DLX3: variants seen among roughly 807,000 people sequenced by gnomAD.
DLX3 encodes the protein homeobox protein DLX-3.
Under a neutral mutation model 28.0 loss-of-function variants are expected in DLX3, and 9 were observed. That is an observed-to-expected ratio of 0.32 (90% confidence interval 0.19 to 0.56). The LOEUF is 0.56. Ranked by LOEUF, DLX3 falls within the 20% of genes least tolerant of loss-of-function variation. DLX3 has a pLI of 0.91. For synonymous variants in DLX3, 154 were observed against 167.9 expected (o/e 0.92, Z 0.64); for missense variants, 313 against 378.2 (o/e 0.83, Z 1.43).
rs1306752846 is a variant in DLX3 at position 49,990,512 on chromosome 17, C to T, written c.*1005G>A. On this transcript the variant is annotated 3_prime_UTR_variant, in exon 3 of 3. Coordinates refer to ENST00000434704, the MANE Select transcript of DLX3 (RefSeq NM_005220.3). ...CTCCCCTCCTCTCCCATACACCTCA[C>T]CCGACATTCTCCAGCTCGGAGCAAT... 2 of 152,540 alleles carry T rather than the reference C, an allele frequency of 1.3e-5. No individual in the cohort carries two copies. The highest frequency in any genetic ancestry group is 4.8e-5 in the African/African-American group (2 of 41,386). 9.4% of individuals were successfully genotyped at this position (152,540 alleles called of 1,614,324 possible).
At chr17:49,993,013 G>A (rs1180669725) in intron 2 of DLX3, among the ~76,000 whole-genome samples, 1 of 152,094 alleles carries the variant, frequency 6.6e-6, no homozygotes, top group Admixed American at 6.5e-5. Context: ...CTCCTTACAT[G>A]AGCATCCTCC....
rs1421270643 is a variant in DLX3, at chr17:49,995,055, G to C, written c.-57C>G. On this transcript the variant is annotated 5_prime_UTR_variant, in exon 1 of 3. Transcript: ENST00000434704. ...CCTCCGCAGAGGACAGGAACGGACC[G>C]GAGTGCGAGAGAGGCGGAAGAGACG... 1.3e-6 allele frequency: 2 copies of C among 1,583,650 alleles called. No homozygotes were observed. The highest frequency in any genetic ancestry group is 1.7e-6 in the Non-Finnish European group (2 of 1,168,846).
At chr17:49,993,299 A>T (rs1262784687) in intron 2 of DLX3, 101 bp downstream of exon 2, 2 of 1,275,184 alleles carry the variant, frequency 1.6e-6, no homozygotes, top group East Asian at 5.1e-5. Context: ...CAAGAGTTCC[A>T]GGAGCCCGCA....
At position 49,991,619 on chromosome 17, in the gene DLX3, T is replaced by C. The variant is rs1413206912; in HGVS notation, c.762A>G (p.Ala254=). The C allele has an allele frequency of 4.3e-6, 7 of 1,613,536 alleles. No homozygotes were observed. The highest frequency in any genetic ancestry group is 1.6e-4 in the Middle Eastern group (1 of 6,062). ...GTAAGTGGGGTCCACTCAGGTTCTGTGCGTGATACCAGGAGTTGGTGGGGT... is the reference window on the plus strand; with the variant it reads ...GTAAGTGGGGTCCACTCAGGTTCTGCGCGTGATACCAGGAGTTGGTGGGGT... ...LDDPTNSWYH[A]QNLSGPHLQQ... The change falls in exon 3 of 3, where the codon GCA becomes GCG. Residue 254 remains alanine (A), a synonymous_variant. Transcript: ENST00000434704.
At position 49,991,199 on chromosome 17, in the gene DLX3, G is replaced by A. The variant is rs1463662303; in HGVS notation, c.*318C>T. The A allele has an allele frequency of 3.0e-6, 1 of 331,638 alleles. No individual in the cohort carries two copies. The highest frequency in any genetic ancestry group is 5.5e-6 in the Non-Finnish European group (1 of 181,094). The allele number at this position is 331,638 out of a possible 1,614,324, so 20.5% of individuals were successfully genotyped here. On this transcript the variant is annotated 3_prime_UTR_variant, in exon 3 of 3. Coordinates refer to ENST00000434704, the MANE Select transcript of DLX3 (RefSeq NM_005220.3). ...TGGGAACAGGCACTAAGTTTAAGAAGCTGGAAGATGATGAGCCATTTAAAG... is the reference window on the plus strand; with the variant it reads ...TGGGAACAGGCACTAAGTTTAAGAAACTGGAAGATGATGAGCCATTTAAAG...
At chr17:49,993,627 C>G in intron 1 of DLX3, 37 bp from the exon 2 acceptor site, 4 of 1,605,042 alleles carry the variant, frequency 2.5e-6, no homozygotes, top group Non-Finnish European at 3.4e-6. Context: ...GGGGGCGGTT[C>G]AGCCTCGGCC....
chr17:49,995,005 G>A lies in DLX3; in HGVS notation c.-7C>T, dbSNP rs1875338638. On this transcript the variant is annotated 5_prime_UTR_variant, in exon 1 of 3. Transcript: ENST00000434704. The stretch of plus-strand genomic sequence containing the variant: ...GATCGAAGGAGCCACTCATCCTGGC[G>A]GGCGCTGCACCTCCCCAGGGCTGGC... 6.2e-7 allele frequency: 1 copy of A among 1,610,094 alleles called. No individual in the cohort carries two copies. Among genetic ancestry groups the A allele is most frequent in the Non-Finnish European group, 8.5e-7 (1 of 1,179,906 alleles).
chr17:49,994,606 C>T (rs886716039), intron 1 of DLX3, 68 bp downstream of exon 1: 2 of 1,578,532 alleles, frequency 1.3e-6, no homozygotes, highest in African/African-American at 2.7e-5. Context: ...GGCTTCCAGT[C>T]CATGCCTTTT....
intron 1 of DLX3, among the ~76,000 whole-genome samples, chr17:49,994,138 A>C (rs1268550982): frequency 2.0e-5 from 2 of 102,164 alleles, no homozygotes; most frequent in African/African-American, 4.0e-5. Context: ...CCTTTCTCTC[A>C]CTGTCTTTCC....
intron 2 of DLX3, among the ~76,000 whole-genome samples, chr17:49,992,706 C>T (rs115336585): frequency 7.7e-4 from 117 of 152,270 alleles, no homozygotes; most frequent in African/African-American, 2.5e-3. Flanking sequence ...AACCTAGGCC[C>T]GCCTGTCAAC....
chr17:49,991,416 C>A lies in DLX3; in HGVS notation c.*101G>T. 1 of 1,081,624 alleles carries A rather than the reference C, an allele frequency of 9.2e-7. No homozygotes were observed. Among genetic ancestry groups the A allele is most frequent in the East Asian group, 2.6e-5 (1 of 38,608 alleles). 67.0% of individuals were successfully genotyped at this position (1,081,624 alleles called of 1,614,324 possible). A position where few individuals can be genotyped will look rare whatever the true frequency, so the allele number is the denominator to read the frequency against. Reference sequence around the variant, plus strand: ...GGGCAAGGGAGGGGGAAAGGGAGTTCCTTTTCCCTGTGCTCCTCGATGATT... The same window carrying A: ...GGGCAAGGGAGGGGGAAAGGGAGTTACTTTTCCCTGTGCTCCTCGATGATT... On this transcript the variant is annotated 3_prime_UTR_variant, in exon 3 of 3. Transcript: ENST00000434704.
At position 49,994,775 on chromosome 17, in the gene DLX3, G is replaced by A; in HGVS notation, c.224C>T (p.Ala75Val). 1.2e-6 allele frequency: 2 copies of A among 1,614,222 alleles called. No individual in the cohort carries two copies. The change falls in exon 1 of 3, where the codon GCA becomes GTA. Residue 75 changes from alanine to valine, a missense_variant. Physicochemically the swap from Ala to Val is moderately conservative, Grantham distance 64. This residue lies in a region of DLX3 where 183 missense variants were observed against 197.7 expected (regional missense o/e 0.93). Coordinates refer to ENST00000434704, the MANE Select transcript of DLX3 (RefSeq NM_005220.3). ...CTTGGGCGAGTAAGCGCCCGTGCCT[G>A]CAAGCCCATTGAGATTGAATTGGTG... The part of the protein sequence containing the change: ...YHHQFNLNGL[A>V]GTGAYSPKSE...
rs138235411 is a variant in DLX3 at position 49,994,630 on chromosome 17, C to T, written c.325+44G>A. 9 of 1,608,242 alleles carry T rather than the reference C, an allele frequency of 5.6e-6. No individual in the cohort carries two copies. The East Asian group carries it at 1.8e-4, about 32-fold the overall frequency. On this transcript the variant is annotated intron_variant, in intron 1 of 2. Coordinates refer to ENST00000434704, the MANE Select transcript of DLX3 (RefSeq NM_005220.3). ...TCCATGCCTTTTCCTCCCTCGGGAA[C>T]CTTCCAGTGTCTCCCACTGTCCTCG...
intron 2 of DLX3, among the ~76,000 whole-genome samples, chr17:49,993,156 G>T (rs977242076): frequency 6.6e-6 from 1 of 152,208 alleles, no homozygotes; most frequent in African/African-American, 2.4e-5. Flanking sequence ...ACTGCTGGGG[G>T]ACTTGGGAGC....
chr17:49,993,519 G>A lies in DLX3; in HGVS notation c.397C>T (p.Arg133Cys). ...NGKPKKVRKPRTIYSSYQLAA... is the reference protein window; with the variant it reads ...NGKPKKVRKPCTIYSSYQLAA... ...AGCTGGTAGCTGGAGTAGATCGTAC[G>A]CGGCTTTCGGACCTTCTTGGGCTTC... The change falls in exon 2 of 3, where the codon CGT (arginine) becomes TGT (cysteine). Residue 133 changes from arginine (R) to cysteine (C), a missense_variant. By Grantham distance (180) the Arg-to-Cys change is radical. Around this residue, in one of 3 missense-constraint regions of DLX3, gnomAD observed 183 missense variants for 197.7 expected, o/e 0.93. Coordinates refer to ENST00000434704, the MANE Select transcript of DLX3 (RefSeq NM_005220.3). The A allele has an allele frequency of 6.2e-7, 1 of 1,613,680 alleles. No individual in the cohort carries two copies.
At position 49,995,199 on chromosome 17, in the gene DLX3, C is replaced by T; in HGVS notation, c.-201G>A. 5 of 672,382 alleles carry T rather than the reference C, an allele frequency of 7.4e-6. No homozygotes were observed. The South Asian group carries it at 8.8e-5, about 12-fold the overall frequency. 41.7% of individuals were successfully genotyped at this position (672,382 alleles called of 1,614,324 possible). On this transcript the variant is annotated 5_prime_UTR_variant, in exon 1 of 3. Coordinates refer to ENST00000434704, the MANE Select transcript of DLX3 (RefSeq NM_005220.3). ...CAGGCGGTCGCTGCGCGCCTCTCCT[C>T]GCGTCCCAAGCCACAATCAAATGCT...
At chr17:49,991,941 A>C (rs1906108203) in intron 2 of DLX3, 77 bp from the exon 3 acceptor site, 2 of 1,444,624 alleles carry the variant, frequency 1.4e-6, no homozygotes, top group African/African-American at 1.4e-5. Context: ...CTAGCCAAGA[A>C]AAAGAAAGGC....
intron 1 of DLX3, 193 bp from the exon 2 acceptor site, chr17:49,993,783 A>C: frequency 1.2e-5 from 5 of 417,890 alleles, no homozygotes; most frequent in East Asian, 5.0e-5. Flanking sequence ...CGCGGCCCAC[A>C]ACGCGGCGCT....
intron 1 of DLX3, 61 bp from the exon 2 acceptor site, chr17:49,993,651 A>C (rs1598155164): frequency 6.4e-7 from 1 of 1,568,170 alleles, no homozygotes; most frequent in Non-Finnish European, 8.6e-7. Flanking sequence ...GACTCCTGCG[A>C]CCCTCCAGGG....
Sources: gnomAD v4.1 joint callset for allele counts (sites outside exome capture counted in the v4.1 genomes callset) on GRCh38, gnomAD v4.1.1 for gene constraint, gnomAD v4.1.1 regional missense constraint, MANE v1.5 for transcripts, NCBI Gene and HGNC (gene_info 2026-07-23, HGNC 2026-07-21) for gene names.